GLDC: variants seen among roughly 807,000 people sequenced by gnomAD.
The protein encoded by GLDC is glycine decarboxylase.
GLDC carries 104 observed loss-of-function variants against 121.3 expected under a neutral mutation model. The ratio of observed to expected loss-of-function variants is 0.86; its 90% CI spans 0.73 to 1.01. GLDC has a LOEUF of 1.01. GLDC is among the 50% of genes least tolerant of loss of function. GLDC has a pLI of 0.00. For missense variants in GLDC, 1,429 were observed against 1,306.6 expected, an observed-to-expected ratio of 1.09 and a Z score of -1.44; for synonymous variants, 546 against 480.6, an observed-to-expected ratio of 1.14 and a Z score of -1.78.
rs772572634 is a variant in GLDC at position 6,606,618 on chromosome 9, T to C, written c.687A>G (p.Thr229=). The stretch of plus-strand genomic sequence containing the variant: ...TGGCTCGAGTCTGGACAACAGCTAT[T>C]GTCTGTGGGTGGCAACGGGGATCAA... ...FLVDPRCHPQ[T]IAVVQTRAKY... Residue 229 remains threonine, a synonymous_variant, in exon 5 of 25, where the codon ACA becomes ACG. Coordinates refer to ENST00000321612, the MANE Select transcript of GLDC (RefSeq NM_000170.3). 5.2e-5 allele frequency: 83 copies of C among 1,608,032 alleles called. No individual in the cohort carries two copies. The highest frequency in any genetic ancestry group is 6.6e-5 in the Non-Finnish European group (77 of 1,174,704).
chr9:6,585,871 T>C (rs567142439), intron 15 of GLDC, among the ~76,000 whole-genome samples: 1 of 100,316 alleles, frequency 1.0e-5, no homozygotes, highest in South Asian at 2.6e-4. Flanking sequence ...TATGTATGTA[T>C]CTATCTATCT....
chr9:6,554,839 G>A, intron 18 of GLDC, 58 bp from the exon 19 acceptor site: 3 of 1,299,982 alleles, frequency 2.3e-6, no homozygotes, highest in South Asian at 1.2e-5. Context: ...ACCCTCCAGT[G>A]TGAAGGCCAT....
chr9:6,629,364 G>A (rs1402084590), intron 2 of GLDC, among the ~76,000 whole-genome samples: 1 of 151,744 alleles, frequency 6.6e-6, no homozygotes, highest in Non-Finnish European at 1.5e-5. Context: ...AGAGGCACCT[G>A]CCACCATGCC....
chr9:6,555,054 T>A (rs909765660), intron 18 of GLDC: 1 of 506,104 alleles, frequency 2.0e-6, no homozygotes, highest in African/African-American at 1.9e-5. Flanking sequence ...ATACACAGTC[T>A]CTTCCTAATT....
intron 4 of GLDC, among the ~76,000 whole-genome samples, chr9:6,609,378 T>C (rs1818803434): frequency 6.6e-6 from 1 of 152,220 alleles, no homozygotes; most frequent in South Asian, 2.1e-4. Context: ...CACTTCCATG[T>C]AAGTGCCATG....
intron 2 of GLDC, 61 bp from the exon 3 acceptor site, chr9:6,620,380 A>G (rs1165977655): frequency 7.3e-7 from 1 of 1,372,920 alleles, no homozygotes; most frequent in African/African-American, 1.4e-5. Flanking sequence ...CTCTAATTAC[A>G]GTTTAAATCC....
intron 18 of GLDC, among the ~76,000 whole-genome samples, chr9:6,555,744 A>G (rs1053627799): frequency 5.3e-5 from 8 of 152,230 alleles, no homozygotes; most frequent in African/African-American, 1.7e-4. Context: ...GTGAGCAGAC[A>G]TCGCACCACT....
chr9:6,583,709 T>C (rs1330120878), intron 15 of GLDC, among the ~76,000 whole-genome samples: 4 of 152,124 alleles, frequency 2.6e-5, no homozygotes, highest in African/African-American at 7.2e-5. Context: ...TTCTGACACA[T>C]GCCACAACAT....
intron 21 of GLDC, among the ~76,000 whole-genome samples, chr9:6,549,937 G>C (rs1482142539): frequency 6.6e-6 from 1 of 152,164 alleles, no homozygotes; most frequent in Non-Finnish European, 1.5e-5. Flanking sequence ...GAAGTCCAGA[G>C]CCTTCCAAGG....
chr9:6,549,641 G>C (rs947172556), intron 21 of GLDC, among the ~76,000 whole-genome samples: 14 of 152,080 alleles, frequency 9.2e-5, no homozygotes, highest in African/African-American at 3.4e-4. Context: ...TGAGCCCACA[G>C]CCCAATGTGT....
rs181054960 is a variant in GLDC, at chr9:6,543,346, T to C, written c.2570-3200A>G. 5.5e-4 allele frequency among the ~76,000 whole-genome samples: 83 copies of C among 152,096 alleles called. 2 individuals carry two copies. The East Asian group carries it at 0.015, about 27-fold the overall frequency. On this transcript the variant is annotated intron_variant, in intron 21 of 24. Coordinates refer to ENST00000321612, the MANE Select transcript of GLDC (RefSeq NM_000170.3). ...GCTAATGGAAGCTCACTGCTCGGAA[T>C]GACACCAGACAGCAGGGAGGGGAGG...
intron 2 of GLDC, among the ~76,000 whole-genome samples, chr9:6,624,874 G>C (rs886689507): frequency 3.9e-5 from 6 of 152,028 alleles, no homozygotes; most frequent in Admixed American, 1.3e-4. Flanking sequence ...TGTAATCCCA[G>C]CTACTTGGGA....
chr9:6,556,341 G>A (rs369493019), intron 17 of GLDC, 39 bp from the exon 18 acceptor site: 304 of 1,573,638 alleles, frequency 1.9e-4, no homozygotes, highest in Non-Finnish European at 2.4e-4. Flanking sequence ...ATGGAGGGAG[G>A]ATATGTTTCT....
At chr9:6,584,998 T>G (rs999124300) in intron 15 of GLDC, 16 of 152,218 alleles carry the variant, frequency 1.1e-4, no homozygotes, top group African/African-American at 3.9e-4. Context: ...CAACCTTGGC[T>G]GCAGTTGGAA....
At chr9:6,623,060 C>G (rs1305765047) in intron 2 of GLDC, 2 of 179,638 alleles carry the variant, frequency 1.1e-5, no homozygotes, top group African/African-American at 5.5e-5. Context: ...GCCCCGCCGC[C>G]CCTACGGGGA....
At position 6,571,145 on chromosome 9, in the gene GLDC, C is replaced by T; in HGVS notation, c.1851-5716G>A. ...TTATTCTAAAATGCATATGTAAAGG[C>T]AAAGTAACTGGAATAGCTACTTTTT... On this transcript the variant is annotated intron_variant, in intron 15 of 24. Coordinates refer to ENST00000321612, the MANE Select transcript of GLDC (RefSeq NM_000170.3). Among the ~76,000 whole-genome samples the T allele has an allele frequency of 1.3e-5, 2 of 151,536 alleles. 1 individual carries two copies. Among genetic ancestry groups the T allele is most frequent in the East Asian group, 3.9e-4 (2 of 5,182 alleles).
intron 15 of GLDC, among the ~76,000 whole-genome samples, chr9:6,581,480 A>G (rs916667031): frequency 1.3e-5 from 2 of 152,246 alleles, no homozygotes; most frequent in African/African-American, 4.8e-5. Context: ...ATAAGACACA[A>G]GCATACCAGA....
chr9:6,550,989 C>T (rs1817504301), intron 20 of GLDC, 75 bp from the exon 21 acceptor site: 3 of 937,552 alleles, frequency 3.2e-6, no homozygotes, highest in Non-Finnish European at 5.3e-6. Context: ...CCAAAAGACA[C>T]CCCCAGATAA....
intron 5 of GLDC, 94 bp downstream of exon 5, chr9:6,606,498 C>T: frequency 1.1e-6 from 1 of 870,058 alleles, no homozygotes; most frequent in Non-Finnish European, 2.0e-6. Context: ...GTTTCAGATT[C>T]ACCTCCAATC....
Sources: gnomAD v4.1 joint callset for allele counts (sites outside exome capture counted in the v4.1 genomes callset) on GRCh38, gnomAD v4.1.1 for gene constraint, MANE v1.5 for transcripts, NCBI Gene and HGNC (gene_info 2026-07-23, HGNC 2026-07-21) for gene names.